Variants in LRGUK observed in about 807,000 individuals in gnomAD.
LRGUK encodes leucine rich repeats and guanylate kinase domain containing.
In LRGUK, 65 loss-of-function variants were observed where a neutral mutation model predicts 76.0. That is an observed-to-expected ratio of 0.85 (90% CI 0.70 to 1.05). The LOEUF (loss-of-function observed/expected upper bound fraction) is 1.05. LRGUK is among the 50% of genes least tolerant of loss of function. The pLI, the probability that LRGUK is intolerant of heterozygous loss-of-function variation, is 0.00. For missense variants in LRGUK, 758 were observed against 732.8 expected (o/e 1.03, Z -0.40); for synonymous variants, 268 against 265.6 (o/e 1.01, Z -0.09).
chr7:134,148,352 A>C (rs775784222), intron 5 of LRGUK, 33 bp downstream of exon 5: 1 of 1,257,254 alleles, frequency 8.0e-7, no homozygotes, highest in Admixed American at 2.0e-5. Flanking sequence ...GGAAAATTTT[A>C]AAAACAATAT....
downstream of LRGUK, among the ~76,000 whole-genome samples, chr7:134,268,977 C>T (rs1001971438): frequency 2.6e-5 from 4 of 151,832 alleles, no homozygotes; most frequent in African/African-American, 7.3e-5. Context: ...GTGATCCTCC[C>T]GTCTCAGCCT....
chr7:134,180,327 TCCA>T (rs1226587897), intron 10 of LRGUK, among the ~76,000 whole-genome samples: 10 of 148,806 alleles, frequency 6.7e-5, no homozygotes, highest in South Asian at 2.1e-4. Flanking sequence ...CATCCATCCA[TCCA>T]TCCATCCAAT....
intron 16 of LRGUK, among the ~76,000 whole-genome samples, chr7:134,242,300 C>T (rs534065319): frequency 1.1e-4 from 17 of 151,986 alleles, no homozygotes; most frequent in Middle Eastern, 3.4e-3. Context: ...ATTGATAGAC[C>T]GCTAGCAAGA....
At chr7:134,263,646 C>G (rs1478344921) in intron 19 of LRGUK, among the ~76,000 whole-genome samples, 199 bp from the exon 20 acceptor site, 13 of 130,460 alleles carry the variant, frequency 1.0e-4, no homozygotes, top group Admixed American at 8.0e-5. Flanking sequence ...TTTTTTTTGG[C>G]CTCAAGTGAT....
At chr7:134,224,187 A>C (rs1025078292) in intron 16 of LRGUK, among the ~76,000 whole-genome samples, 1 of 152,170 alleles carries the variant, frequency 6.6e-6, no homozygotes, top group Non-Finnish European at 1.5e-5. Context: ...GGACATGGAA[A>C]TCCAGAGTGC....
chr7:134,166,562 G>A (rs896511913), intron 7 of LRGUK, among the ~76,000 whole-genome samples: 1 of 152,094 alleles, frequency 6.6e-6, no homozygotes, highest in Non-Finnish European at 1.5e-5. Context: ...TTTTTGTGAG[G>A]ATTCACAAGG....
chr7:134,258,239 G>T lies in LRGUK; in HGVS notation c.2199-18G>T. ...TAGTTTGGATCTCAAAAAGATCTTT[G>T]GTTTTTCATTTTTTCAGTGGGAAGG... On this transcript the variant is annotated intron_variant, in intron 18 of 19. Transcript: ENST00000285928. The T allele has an allele frequency of 1.9e-6, 3 of 1,613,450 alleles. No individual in the cohort carries two copies. The highest frequency in any genetic ancestry group is 2.5e-6 in the Non-Finnish European group (3 of 1,179,610).
At chr7:134,158,854 A>T (rs113111232) in intron 6 of LRGUK, among the ~76,000 whole-genome samples, 228 of 152,328 alleles carry the variant, frequency 1.5e-3, no homozygotes, top group Non-Finnish European at 2.8e-3. Context: ...GGGGGTCTAC[A>T]GTATTGACTG....
exon 16 of LRGUK, chr7:134,209,617 C>T: frequency 2.5e-6 from 1 of 399,106 alleles, no homozygotes; most frequent in Non-Finnish European, 4.4e-6. Flanking sequence ...TCCTATCGCC[C>T]AGCAGGGAAG....
At chr7:134,170,973 A>G (rs1248995527) in intron 7 of LRGUK, among the ~76,000 whole-genome samples, 1 of 152,120 alleles carries the variant, frequency 6.6e-6, no homozygotes, top group East Asian at 1.9e-4. Context: ...TTTGAAAAAT[A>G]TTTGTGGTTC....
chr7:134,249,052 C>T, exon 18 of LRGUK: 2 of 1,584,014 alleles, frequency 1.3e-6, no homozygotes, highest in Middle Eastern at 3.4e-4. Context: ...TTTAAACCTC[C>T]ATTTGGACCA....
intron 15 of LRGUK, among the ~76,000 whole-genome samples, chr7:134,202,662 A>C (rs531797885): frequency 1.3e-5 from 2 of 152,354 alleles, no homozygotes; most frequent in Non-Finnish European, 2.9e-5. Context: ...TGAACCTTGA[A>C]GACATTGTGC....
chr7:134,143,323 T>C (rs770078687), intron 4 of LRGUK, among the ~76,000 whole-genome samples, 161 bp downstream of exon 4: 15 of 152,322 alleles, frequency 9.8e-5, no homozygotes, highest in East Asian at 1.9e-4. Context: ...GTGTATACTT[T>C]ATTTTGGAAA....
chr7:134,276,411 C>T, the LRGUK span, among the ~76,000 whole-genome samples: 25 of 152,202 alleles, frequency 1.6e-4, no homozygotes, highest in Admixed American at 8.5e-4. Context: ...CAATTTACTC[C>T]GCTCTGTTTC....
At chr7:134,210,694 G>C (rs918090543), downstream of LRGUK, among the ~76,000 whole-genome samples, 4 of 152,146 alleles carry the variant, frequency 2.6e-5, no homozygotes, top group Non-Finnish European at 5.9e-5. Flanking sequence ...AGATTGCTTC[G>C]CAATCCCCAG....
At chr7:134,152,269 G>C (rs1444208861) in intron 5 of LRGUK, among the ~76,000 whole-genome samples, 1 of 151,880 alleles carries the variant, frequency 6.6e-6, no homozygotes, top group African/African-American at 2.4e-5. Flanking sequence ...ACTTTAAAAA[G>C]AAACACCATT....
chr7:134,194,848 A>T (rs1364525735), intron 12 of LRGUK, among the ~76,000 whole-genome samples: 1 of 152,192 alleles, frequency 6.6e-6, no homozygotes, highest in East Asian at 1.9e-4. Flanking sequence ...TAATGGGTTC[A>T]CCTTGCCCGC....
chr7:134,135,517 T>G (rs1797487553), intron 1 of LRGUK, among the ~76,000 whole-genome samples: 1 of 152,218 alleles, frequency 6.6e-6, no homozygotes, highest in Non-Finnish European at 1.5e-5. Flanking sequence ...CAGCGACATG[T>G]CCTGAACTTC....
chr7:134,174,456 A>T (rs1328235844), intron 7 of LRGUK, 100 bp from the exon 8 acceptor site: 7 of 722,086 alleles, frequency 9.7e-6, no homozygotes, highest in Non-Finnish European at 1.7e-5. Context: ...TTTTTAAAAT[A>T]AGTTGAATTT....
Sources: allele counts gnomAD v4.1 joint callset (sites outside exome capture counted in the v4.1 genomes callset), GRCh38; gene constraint gnomAD v4.1.1; transcripts MANE v1.5; gene names NCBI Gene and HGNC (gene_info 2026-07-23, HGNC 2026-07-21).